TTLL3: variants seen among roughly 807,000 people sequenced by gnomAD.
The protein encoded by TTLL3 is tubulin tyrosine ligase like 3.
Under a neutral mutation model 75.2 loss-of-function variants are expected in TTLL3, and 63 were observed. The ratio of observed to expected loss-of-function variants is 0.84; its 90% CI spans 0.68 to 1.03. The LOEUF (loss-of-function observed/expected upper bound fraction) is 1.03, where lower values mean the gene tolerates loss of function less well. TTLL3 is among the 50% of genes least tolerant of loss of function. TTLL3 has a pLI of 0.00. For missense variants in TTLL3, 997 were observed against 1,069.9 expected (o/e 0.93, Z 0.95); for synonymous variants, 393 against 418.5 (o/e 0.94, Z 0.74).
At chr3:9,826,011 A>G in intron 9 of TTLL3, 63 bp downstream of exon 9, 2 of 1,579,580 alleles carry the variant, frequency 1.3e-6, no homozygotes, top group East Asian at 2.2e-5. Flanking sequence ...AGTAGAGGCC[A>G]AGGAAGTTAA....
At chr3:9,819,389 C>T in intron 7 of TTLL3, 1 of 457,152 alleles carries the variant, frequency 2.2e-6, no homozygotes, top group Non-Finnish European at 2.9e-6. Context: ...GTCTTCCCAT[C>T]CGTTTGTTAG....
intron 5 of TTLL3, 72 bp from the exon 6 acceptor site, chr3:9,817,573 C>CT: frequency 6.2e-7 from 1 of 1,610,172 alleles, no homozygotes; most frequent in South Asian, 1.1e-5. Context: ...CAGTCAGAGT[C>CT]TTTCTGAACT....
intron 4 of TTLL3, among the ~76,000 whole-genome samples, chr3:9,814,237 G>A (rs1198262936): frequency 2.6e-5 from 4 of 152,198 alleles, no homozygotes; most frequent in Admixed American, 2.6e-4. Flanking sequence ...TCGGGAAGCT[G>A]AGGCAGGAGA....
chr3:9,826,319 G>A (rs905723268), intron 9 of TTLL3, among the ~76,000 whole-genome samples: 1 of 152,224 alleles, frequency 6.6e-6, no homozygotes, highest in Non-Finnish European at 1.5e-5. Flanking sequence ...GCAGTTGGCT[G>A]CCTCTAGACA....
intron 6 of TTLL3, 84 bp from the exon 7 acceptor site, chr3:9,818,738 T>C (rs565898544): frequency 6.9e-6 from 11 of 1,603,712 alleles, no homozygotes; most frequent in East Asian, 2.2e-5. Flanking sequence ...GGATCCAAAA[T>C]GGGGCAAGTC....
At chr3:9,812,548 G>A (rs578184940) in intron 2 of TTLL3, among the ~76,000 whole-genome samples, 1 of 151,962 alleles carries the variant, frequency 6.6e-6, no homozygotes, top group South Asian at 2.1e-4. Context: ...GCATACACCT[G>A]TAATCCCAGG....
chr3:9,810,834 C>T lies in TTLL3; in HGVS notation c.48+125C>T, dbSNP rs188844811. On this transcript the variant is annotated intron_variant, in intron 2 of 13. Transcript: ENST00000685419. The surrounding 1 kb of genome is among the most constrained non-coding windows in gnomAD (Gnocchi z 4.4). ...AAAAAACAATAGCAAAAATCCTCAA[C>T]CACCACACCCATCTTCAACTACCTC... 4.1e-5 allele frequency: 36 copies of T among 887,736 alleles called. No homozygotes were observed. The Admixed American group carries it at 8.7e-4, about 22-fold the overall frequency. 55.0% of individuals were successfully genotyped at this position (887,736 alleles called of 1,614,324 possible). A position where few individuals can be genotyped will look rare whatever the true frequency, so the allele number is the denominator to read the frequency against.
rs1277882249 is a variant in TTLL3, at chr3:9,818,847, C to A, written c.585C>A (p.Arg195=). The A allele has an allele frequency of 1.9e-6, 3 of 1,614,092 alleles. No individual in the cohort carries two copies. In the South Asian group the frequency reaches 3.3e-5, roughly 18 times the overall value. The change falls in exon 7 of 14, where the codon CGC becomes CGA. Residue 195 remains arginine, a synonymous_variant. Coordinates refer to ENST00000685419, the MANE Select transcript of TTLL3 (RefSeq NM_001387446.1). ...FIEDFWLTAA[R]NVLKLVVKSE... ...AGGACTTCTGGCTGACTGCTGCCCGCAACGTTCTCAAGCTGGTGGTGAAGT... is the reference window on the plus strand; with the variant it reads ...AGGACTTCTGGCTGACTGCTGCCCGAAACGTTCTCAAGCTGGTGGTGAAGT...
At chr3:9,820,333 C>T (rs1403005308) in intron 7 of TTLL3, 1 of 1,420,190 alleles carries the variant, frequency 7.0e-7, no homozygotes, top group Admixed American at 2.9e-5. Flanking sequence ...AGTGACAGGT[C>T]CTGGGACAGT....
chr3:9,815,124 C>T (rs2079714934), intron 4 of TTLL3, among the ~76,000 whole-genome samples: 1 of 151,748 alleles, frequency 6.6e-6, no homozygotes, highest in Admixed American at 6.6e-5. Flanking sequence ...CCTGTAATCC[C>T]AGCTACTAGG....
chr3:9,811,232 G>A (rs895756005), intron 2 of TTLL3, among the ~76,000 whole-genome samples: 11 of 151,954 alleles, frequency 7.2e-5, no homozygotes, highest in Non-Finnish European at 1.0e-4. Context: ...GCCCAGCCTC[G>A]AACTCCACAT....
At chr3:9,817,973 G>A (rs376489793) in intron 6 of TTLL3, 8 of 611,036 alleles carry the variant, frequency 1.3e-5, no homozygotes, top group African/African-American at 9.2e-5. Context: ...GAAAAGCTTG[G>A]GTAGCTTGGC....
chr3:9,815,930 A>G (rs991862087), intron 4 of TTLL3, 144 bp from the exon 5 acceptor site: 6 of 752,304 alleles, frequency 8.0e-6, no homozygotes, highest in Non-Finnish European at 9.3e-6. Context: ...GACTTACACA[A>G]AGATGATGTG....
rs762397831 is a variant in TTLL3, at chr3:9,828,980, A to G, written c.1268A>G (p.Asn423Ser). 1 of 1,613,978 alleles carries G rather than the reference A, an allele frequency of 6.2e-7. No homozygotes were observed. Among genetic ancestry groups the G allele is most frequent in the Non-Finnish European group, 8.5e-7 (1 of 1,179,978 alleles). The change falls in exon 11 of 14, where the codon AAC becomes AGC. Residue 423 changes from asparagine (N) to serine (S), a missense_variant. Physicochemically the swap from Asn to Ser is conservative, Grantham distance 46. Coordinates refer to ENST00000685419, the MANE Select transcript of TTLL3 (RefSeq NM_001387446.1). ...CCCAGCTCAGTGCACCTGTGCAACA[A>G]CTCCATCCAGAAGCACCTGGAGAAC... ...NLDNSVHLCNNSIQKHLENSC... is the reference protein window; with the variant it reads ...NLDNSVHLCNSSIQKHLENSC...
chr3:9,815,753 T>C (rs1177260081), intron 4 of TTLL3, among the ~76,000 whole-genome samples: 1 of 152,244 alleles, frequency 6.6e-6, no homozygotes, highest in Non-Finnish European at 1.5e-5. Flanking sequence ...TAATGCCAAC[T>C]CCTTCTCACG....
At chr3:9,820,160 C>T in intron 7 of TTLL3, 1 of 1,013,154 alleles carries the variant, frequency 9.9e-7, no homozygotes, top group Middle Eastern at 5.0e-4. Flanking sequence ...ACTTAAGAAG[C>T]TGTGTCAGAC....
In TTLL3 at chr3:9,835,264, C is replaced by T; in HGVS notation, c.2223C>T (p.Ser741=). 6.2e-7 allele frequency: 1 copy of T among 1,614,106 alleles called. No individual in the cohort carries two copies. Among genetic ancestry groups the T allele is most frequent in the African/African-American group, 1.3e-5 (1 of 75,050 alleles). ...AGGCCTGCCCCATGAAGAGGCTGAG[C>T]CCCCTGAAACCCCTGCCCCTTGTTG... The part of the protein sequence containing the change: ...RAEACPMKRL[S]PLKPLPLVGT... Residue 741 remains serine (S), a synonymous_variant, in exon 14 of 14, where the codon AGC becomes AGT. Transcript: ENST00000685419.
At chr3:9,821,941 T>C (rs1575384623) in intron 8 of TTLL3, among the ~76,000 whole-genome samples, 2 of 147,596 alleles carry the variant, frequency 1.4e-5, no homozygotes, top group Admixed American at 1.4e-4. Context: ...AGTCGGAGCT[T>C]GCAGTGAGCC....
chr3:9,814,200 G>A (rs1041745209), intron 4 of TTLL3, among the ~76,000 whole-genome samples: 2 of 152,264 alleles, frequency 1.3e-5, no homozygotes, highest in African/African-American at 4.8e-5. Context: ...GCTGACTGTG[G>A]TGGCAGGCGC....
Sources: allele counts gnomAD v4.1 joint callset (sites outside exome capture counted in the v4.1 genomes callset), GRCh38; gene constraint gnomAD v4.1.1; non-coding constraint Gnocchi (gnomAD v3.1); transcripts MANE v1.5; gene names NCBI Gene and HGNC (gene_info 2026-07-23, HGNC 2026-07-21).